The following ARPP21 variants were observed in gnomAD, a reference collection of about 807,000 sequenced individuals.
ARPP21 encodes cAMP regulated phosphoprotein 21.
ARPP21 carries 69 observed loss-of-function variants against 113.2 expected under a neutral mutation model. The observed-to-expected ratio is 0.61, with a 90% CI of 0.50 to 0.74. The LOEUF is 0.74. Among genes scored for constraint, ARPP21 ranks in the 30% least tolerant of loss-of-function variants. The probability of loss-of-function intolerance (pLI) is 0.00; values close to 1 mark genes in which losing one functional copy is unlikely to be tolerated. For synonymous variants in ARPP21, 368 were observed against 375.5 expected (o/e 0.98, Z 0.23); for missense variants, 1,070 against 1,037.4 (o/e 1.03, Z -0.43).
intron 19 of ARPP21, among the ~76,000 whole-genome samples, chr3:35,768,078 CCGTGTGTGTGTG>C (rs1415751600): frequency 3.3e-5 from 4 of 121,282 alleles, no homozygotes; most frequent in Non-Finnish European, 6.9e-5. Context: ...CCATGCTTTT[CCGTGTGTGTGTG>C]TGTGTGTGTG....
At chr3:35,664,205 T>C (rs1261762646) in intron 1 of ARPP21, among the ~76,000 whole-genome samples, 1 of 152,232 alleles carries the variant, frequency 6.6e-6, no homozygotes. Context: ...TGGGGTATAA[T>C]GTGGTATTTC....
chr3:35,674,154 A>T (rs1427239904), intron 1 of ARPP21, among the ~76,000 whole-genome samples: 1 of 151,986 alleles, frequency 6.6e-6, no homozygotes, highest in Non-Finnish European at 1.5e-5. Flanking sequence ...TTAGATTAAT[A>T]ATGCCCAAAC....
intron 9 of ARPP21, among the ~76,000 whole-genome samples, chr3:35,694,017 T>C (rs944541733): frequency 2.0e-5 from 3 of 151,622 alleles, no homozygotes; most frequent in African/African-American, 7.2e-5. Context: ...ATATTGTTCT[T>C]CTTCAGTGAC....
intron 19 of ARPP21, among the ~76,000 whole-genome samples, chr3:35,789,373 T>C (rs1309383513): frequency 6.6e-6 from 1 of 152,192 alleles, no homozygotes. Context: ...ACCATTCTGC[T>C]CTACCTTCTG....
At chr3:35,672,226 C>T (rs753677139) in intron 1 of ARPP21, among the ~76,000 whole-genome samples, 15 of 152,102 alleles carry the variant, frequency 9.9e-5, no homozygotes, top group Middle Eastern at 6.8e-3. Flanking sequence ...CATCTCTTTC[C>T]TTTCCCCGGT....
chr3:35,689,561 G>T (rs2081613938), intron 7 of ARPP21, among the ~76,000 whole-genome samples, 176 bp downstream of exon 7: 1 of 151,462 alleles, frequency 6.6e-6, no homozygotes, highest in Non-Finnish European at 1.5e-5. Flanking sequence ...ACTTTTTATA[G>T]AGAGTCTTAG....
chr3:35,707,374 C>T, intron 10 of ARPP21: 6 of 574,040 alleles, frequency 1.0e-5, no homozygotes, highest in Non-Finnish European at 6.6e-6. Flanking sequence ...CCACAGGCTC[C>T]GAGCTGTGGA....
chr3:35,717,738 C>G (rs565996653), intron 13 of ARPP21, among the ~76,000 whole-genome samples: 2 of 152,196 alleles, frequency 1.3e-5, no homozygotes, highest in South Asian at 2.1e-4. Context: ...CCTACTTGGG[C>G]AACTAATTTT....
intron 9 of ARPP21, among the ~76,000 whole-genome samples, chr3:35,700,447 G>A (rs1576009795): frequency 6.6e-6 from 1 of 151,444 alleles, no homozygotes; most frequent in Non-Finnish European, 1.5e-5. Flanking sequence ...TTGAGTCATT[G>A]TATGTATTAA....
intron 11 of ARPP21, among the ~76,000 whole-genome samples, chr3:35,709,682 G>A (rs2090419027): frequency 1.3e-5 from 2 of 152,132 alleles, no homozygotes; most frequent in African/African-American, 2.4e-5. Flanking sequence ...AAGATAAAAT[G>A]CAATTAATTA....
intron 1 of ARPP21, 90 bp downstream of exon 1, chr3:35,640,488 T>A (rs1697658270): frequency 6.6e-6 from 1 of 152,222 alleles, no homozygotes; most frequent in African/African-American, 2.4e-5. Flanking sequence ...ATCTGTCTGT[T>A]TCTTTTGAAT....
intron 1 of ARPP21, among the ~76,000 whole-genome samples, chr3:35,649,235 T>A (rs906129880): frequency 6.6e-6 from 1 of 152,184 alleles, no homozygotes; most frequent in African/African-American, 2.4e-5. Flanking sequence ...TTAAGCAGAT[T>A]TGATATTCAT....
In ARPP21 at chr3:35,689,177, T is replaced by C; in HGVS notation, c.407-130T>C. 7.5e-6 allele frequency: 5 copies of C among 663,884 alleles called. No homozygotes were observed. The South Asian group carries it at 8.7e-5, about 12-fold the overall frequency. 41.1% of individuals were successfully genotyped at this position (663,884 alleles called of 1,614,324 possible). On this transcript the variant is annotated intron_variant, in intron 6 of 20. Coordinates refer to ENST00000684406, the MANE Select transcript of ARPP21 (RefSeq NM_001385562.1). ...TTGCCAGATTGCTAGTTTTGAAACATGTATTTTTATACCAACAGCTTCACC... is the reference window on the plus strand; with the variant it reads ...TTGCCAGATTGCTAGTTTTGAAACACGTATTTTTATACCAACAGCTTCACC...
chr3:35,776,250 C>T (rs1034921756), intron 19 of ARPP21, among the ~76,000 whole-genome samples: 1 of 152,014 alleles, frequency 6.6e-6, no homozygotes, highest in Non-Finnish European at 1.5e-5. Flanking sequence ...AAAAAAATCA[C>T]TTGCTCAATC....
At chr3:35,741,429 A>G (rs1265545427) in intron 18 of ARPP21, among the ~76,000 whole-genome samples, 1 of 152,224 alleles carries the variant, frequency 6.6e-6, no homozygotes. Flanking sequence ...CCAACTATGG[A>G]ACAATGGAAA....
At chr3:35,669,591 T>C (rs1332028524) in intron 1 of ARPP21, among the ~76,000 whole-genome samples, 1 of 152,184 alleles carries the variant, frequency 6.6e-6, no homozygotes, top group Non-Finnish European at 1.5e-5. Context: ...ATTTCAGGGA[T>C]CAGATTGTTC....
At chr3:35,719,514 G>C (rs1231523369) in intron 13 of ARPP21, among the ~76,000 whole-genome samples, 1 of 152,184 alleles carries the variant, frequency 6.6e-6, no homozygotes, top group African/African-American at 2.4e-5. Context: ...CTCTACCAGG[G>C]AGAAGGGTGT....
intron 6 of ARPP21, 92 bp downstream of exon 6, chr3:35,687,975 C>A: frequency 8.4e-7 from 1 of 1,185,944 alleles, no homozygotes; most frequent in Non-Finnish European, 1.2e-6. Context: ...ATTCACCTCC[C>A]ACCAAACCCT....
chr3:35,715,783 T>C (rs1351114922), intron 12 of ARPP21: 1 of 201,548 alleles, frequency 5.0e-6, no homozygotes, highest in Admixed American at 5.3e-5. Flanking sequence ...GAATAATAAA[T>C]ATGGAGACAT....
Sources: gnomAD v4.1 joint callset for allele counts (sites outside exome capture counted in the v4.1 genomes callset) on GRCh38, gnomAD v4.1.1 for gene constraint, MANE v1.5 for transcripts, NCBI Gene and HGNC (gene_info 2026-07-23, HGNC 2026-07-21) for gene names.